Variants in ZFX observed in about 807,000 individuals in gnomAD.
ZFX encodes zinc finger protein X-linked.
For missense variants in ZFX, 362 were observed against 628.3 expected (o/e 0.58, Z 4.53); for synonymous variants, 196 against 226.8 (o/e 0.86, Z 1.22).
At chrX:24,150,777 A>G (rs918895141) in intron 1 of ZFX, 2 of 113,077 alleles carry the variant, frequency 1.8e-5, no homozygotes, top group African/African-American at 6.4e-5. Flanking sequence ...TTTTCCAACA[A>G]TCTTTGCCGC....
At chrX:24,187,772 C>A (rs1023528907) in intron 5 of ZFX, among the ~76,000 whole-genome samples, 6 of 111,452 alleles carry the variant, frequency 5.4e-5, no homozygotes, top group Admixed American at 9.6e-5. Context: ...ACAGCAAAGT[C>A]CCTGGCTTTT....
Position 24,179,783 on chromosome X carries a change from G to A in ZFX, c.646+13G>A, listed in dbSNP as rs758172907. ...CTTATGATTTCCTGTAAGTCTTGGG[G>A]TACAGTGATTGTCAAAGGTGTTTTT... is the stretch of plus-strand genomic sequence containing the variant. On this transcript the variant is annotated intron_variant, in intron 5 of 9. Transcript: ENST00000304543. 3.5e-5 allele frequency: 41 copies of A among 1,173,690 alleles called. 1 individual carries two copies. Among genetic ancestry groups the A allele is most frequent in the South Asian group, 1.9e-4 (10 of 53,073 alleles).
chrX:24,170,811 C>T (rs1325679249), intron 3 of ZFX, among the ~76,000 whole-genome samples: 2 of 109,791 alleles, frequency 1.8e-5, no homozygotes, highest in African/African-American at 3.3e-5. Flanking sequence ...GGGGTTTCGC[C>T]GTGTTGGCTA....
chrX:24,195,375 T>C (rs1422289604), intron 5 of ZFX, among the ~76,000 whole-genome samples: 1 of 103,631 alleles, frequency 9.6e-6, no homozygotes, highest in Non-Finnish European at 2.0e-5. Flanking sequence ...TTTTTTGAGA[T>C]GGAGTCTCGC....
chrX:24,171,826 A>G (rs1050252087), intron 3 of ZFX, among the ~76,000 whole-genome samples: 1 of 110,062 alleles, frequency 9.1e-6, no homozygotes, highest in African/African-American at 3.3e-5. Flanking sequence ...CTGTTACTCA[A>G]GGCACTCACA....
chrX:24,196,140 G>A (rs776327848), intron 5 of ZFX, among the ~76,000 whole-genome samples: 6 of 111,263 alleles, frequency 5.4e-5, no homozygotes, highest in Non-Finnish European at 9.4e-5. Flanking sequence ...TTGAGATGGA[G>A]TTTTGCTCGT....
At position 24,208,895 on chromosome X, in the gene ZFX, G is replaced by A; in HGVS notation, c.1094-5G>A. ...ATAATTTTGTTTTTTAATACACATTGTTAGGTAATAATTCTGATGGAATTG... is the reference window on the plus strand; with the variant it reads ...ATAATTTTGTTTTTTAATACACATTATTAGGTAATAATTCTGATGGAATTG... On this transcript the variant is annotated splice_region_variant and splice_polypyrimidine_tract_variant and intron_variant, in intron 8 of 9. Coordinates refer to ENST00000304543, the MANE Select transcript of ZFX (RefSeq NM_003410.4). 1 of 1,209,946 alleles carries A rather than the reference G, an allele frequency of 8.3e-7. No homozygotes were observed. Among genetic ancestry groups the A allele is most frequent in the Non-Finnish European group, 1.1e-6 (1 of 894,554 alleles).
intron 5 of ZFX, among the ~76,000 whole-genome samples, chrX:24,200,148 G>A (rs891278055): frequency 5.4e-5 from 6 of 111,056 alleles, no homozygotes; most frequent in African/African-American, 2.0e-4. Flanking sequence ...TGGATTAGAT[G>A]TGCTAGCAAA....
chrX:24,153,771 G>A (rs749145281), intron 3 of ZFX, among the ~76,000 whole-genome samples: 1 of 111,050 alleles, frequency 9.0e-6, no homozygotes, highest in African/African-American at 3.3e-5. Context: ...GACAAGTTCT[G>A]ATTTATCTTT....
chrX:24,210,245 T>C lies in ZFX; in HGVS notation c.1287T>C (p.Ile429=). The change falls in exon 10 of 10, where the codon ATT becomes ATC. Residue 429 remains isoleucine (I), a synonymous_variant. Transcript: ENST00000304543. ...GHPLTVYPCM[I]CGKKFKSRGF... ...CTTTGACTGTCTATCCTTGCATGAT[T>C]TGTGGGAAGAAGTTTAAGTCGAGAG... 8.3e-7 allele frequency: 1 copy of C among 1,211,825 alleles called. No homozygotes were observed. The highest frequency in any genetic ancestry group is 1.1e-6 in the Non-Finnish European group (1 of 895,588).
At chrX:24,202,894 C>T (rs771513087) in intron 5 of ZFX, among the ~76,000 whole-genome samples, 4 of 111,976 alleles carry the variant, frequency 3.6e-5, no homozygotes, top group Non-Finnish European at 7.5e-5. Context: ...AATACAGGTT[C>T]TGCTGTGTCA....
intron 4 of ZFX, 87 bp downstream of exon 4, chrX:24,172,887 C>T: frequency 1.1e-6 from 1 of 915,100 alleles, no homozygotes; most frequent in Admixed American, 3.1e-5. Flanking sequence ...TCACATTGAT[C>T]ATTCACAGGT....
intron 3 of ZFX, among the ~76,000 whole-genome samples, chrX:24,167,407 AAGT>A (rs1272925640): frequency 9.0e-6 from 1 of 111,573 alleles, no homozygotes; most frequent in East Asian, 2.8e-4. Flanking sequence ...CCTCATCTAC[AAGT>A]AGGAATAGAC....
At chrX:24,208,503 GAATTA>G (rs759943110) in intron 8 of ZFX, 133 bp downstream of exon 8, 106 of 831,173 alleles carry the variant, frequency 1.3e-4, no homozygotes, top group South Asian at 5.6e-4. Context: ...TATTTGAATT[GAATTA>G]GAGTATAAAG....
At chrX:24,163,863 A>G (rs1433859260) in intron 3 of ZFX, among the ~76,000 whole-genome samples, 1 of 99,584 alleles carries the variant, frequency 1.0e-5, no homozygotes, top group Non-Finnish European at 2.0e-5. Flanking sequence ...AAAAAAATTC[A>G]TTACGATCGG....
At chrX:24,167,271 G>A (rs908379828) in intron 3 of ZFX, among the ~76,000 whole-genome samples, 3 of 111,450 alleles carry the variant, frequency 2.7e-5, no homozygotes, top group African/African-American at 9.8e-5. Context: ...CTCCTTTCTC[G>A]CCTATGGACT....
chrX:24,169,647 TCTGA>T (rs1268390691), intron 3 of ZFX, among the ~76,000 whole-genome samples: 2 of 105,742 alleles, frequency 1.9e-5, no homozygotes, highest in Non-Finnish European at 3.9e-5. Context: ...GATCTGGCAA[TCTGA>T]CTGTGAGCAG....
At chrX:24,153,382 A>G (rs973289441) in intron 3 of ZFX, among the ~76,000 whole-genome samples, 6 of 110,770 alleles carry the variant, frequency 5.4e-5, no homozygotes, top group African/African-American at 2.0e-4. Flanking sequence ...TGCAGGAGGG[A>G]TTGCTGTCTC....
intron 3 of ZFX, among the ~76,000 whole-genome samples, chrX:24,165,278 G>A (rs1933892728): frequency 8.9e-6 from 1 of 111,886 alleles, no homozygotes; most frequent in Non-Finnish European, 1.9e-5. Context: ...GTGCCACCAC[G>A]CCTGGCTAAT....
Sources: allele counts gnomAD v4.1 joint callset (sites outside exome capture counted in the v4.1 genomes callset), GRCh38; gene constraint gnomAD v4.1.1; transcripts MANE v1.5; gene names NCBI Gene and HGNC (gene_info 2026-07-23, HGNC 2026-07-21).